The following HSPG2 variants were observed in gnomAD, a reference collection of about 807,000 sequenced individuals.
The protein encoded by HSPG2 is heparan sulfate proteoglycan 2, also known as basement membrane-specific heparan sulfate proteoglycan core protein.
In HSPG2, 278 loss-of-function variants were observed where a neutral mutation model predicts 526.6. The ratio of observed to expected loss-of-function variants is 0.53; its 90% CI spans 0.48 to 0.58. HSPG2 has a LOEUF of 0.58. Ranked by LOEUF, HSPG2 falls within the 20% of genes least tolerant of loss-of-function variation. HSPG2 has a pLI of 0.00. For synonymous variants in HSPG2, 2,465 were observed against 2,555.4 expected (o/e 0.96, Z 1.07); for missense variants, 5,354 against 6,099.5 (o/e 0.88, Z 4.07).
In HSPG2 at chr1:21,833,278, G is replaced by C. The variant is rs1370685316; in HGVS notation, c.11085C>G (p.Asp3695Glu). Residue 3695 changes from aspartate (D) to glutamate (E), a missense_variant, in exon 80 of 97, where the codon GAC becomes GAG. Asp to Glu is a conservative substitution (Grantham distance 45). Coordinates refer to ENST00000374695, the MANE Select transcript of HSPG2 (RefSeq NM_005529.7). The part of the protein sequence containing the change: ...KFEIKITFRP[D>E]SADGMLLYNG... ...AACCCTCCTGCTCACCATCGGCTGAGTCGGGCCGGAAGGTGATCTTGATCT... is the reference window on the plus strand; with the variant it reads ...AACCCTCCTGCTCACCATCGGCTGACTCGGGCCGGAAGGTGATCTTGATCT... The C allele has an allele frequency of 6.2e-7, 1 of 1,613,994 alleles. No individual in the cohort carries two copies. Among genetic ancestry groups the C allele is most frequent in the South Asian group, 1.1e-5 (1 of 91,074 alleles).
At chr1:21,924,497 G>T (rs967269211) in intron 1 of HSPG2, among the ~76,000 whole-genome samples, 1 of 152,108 alleles carries the variant, frequency 6.6e-6, no homozygotes, top group African/African-American at 2.4e-5. Context: ...ACTTTTGGGG[G>T]GTAGTGAGCA....
chr1:21,851,506 C>T (rs746503190), intron 55 of HSPG2, 40 bp downstream of exon 55: 11 of 1,612,356 alleles, frequency 6.8e-6, no homozygotes, highest in East Asian at 4.5e-5. Flanking sequence ...CCCAGGGACC[C>T]GCTTCCTCTT....
In HSPG2 at chr1:21,854,722, C is replaced by T. The variant is rs200272505; in HGVS notation, c.6177G>A (p.Ser2059=). Residue 2059 remains serine (S), a synonymous_variant, in exon 49 of 97, where the codon TCG becomes TCA. Transcript: ENST00000374695. ...GTGTTTGCCCTTCTGTCACAGAAGG[C>T]GATGAGGACTCAATCTTGACCGGCG... ...SPPPVKIESS[S]PSVTEGQTLD... The T allele has an allele frequency of 3.5e-5, 56 of 1,613,326 alleles. No individual in the cohort carries two copies. Among genetic ancestry groups the T allele is most frequent in the Non-Finnish European group, 4.3e-5 (51 of 1,179,784 alleles).
Position 21,848,877 on chromosome 1 carries a change from C to T in HSPG2, c.7585+16G>A. 6.2e-7 allele frequency: 1 copy of T among 1,613,444 alleles called. No individual in the cohort carries two copies. Among genetic ancestry groups the T allele is most frequent in the Non-Finnish European group, 8.5e-7 (1 of 1,179,972 alleles). ...CCCCAGCCCTCCACCATTTGCATGA[C>T]CCCCGAGACACTCACAGTGGGAGCC... is the stretch of plus-strand genomic sequence containing the variant. On this transcript the variant is annotated intron_variant, in intron 58 of 96. Coordinates refer to ENST00000374695, the MANE Select transcript of HSPG2 (RefSeq NM_005529.7). The surrounding 1 kb of genome is among the most constrained non-coding windows in gnomAD (Gnocchi z 4.9).
At chr1:21,878,917 C>T (rs1641299495) in intron 18 of HSPG2, 77 bp downstream of exon 18, 1 of 1,538,750 alleles carries the variant, frequency 6.5e-7, no homozygotes. Flanking sequence ...AAGTCTCCTG[C>T]CTCCCTGCCC....
chr1:21,855,202 C>T, intron 47 of HSPG2, 102 bp downstream of exon 47: 2 of 1,464,180 alleles, frequency 1.4e-6, no homozygotes, highest in Non-Finnish European at 1.8e-6. Flanking sequence ...AAGGGAGCCA[C>T]AGAGGAGGAG....
chr1:21,834,807 G>T lies in HSPG2; in HGVS notation c.10592C>A (p.Pro3531Gln), dbSNP rs779105494. 6.2e-7 allele frequency: 1 copy of T among 1,614,228 alleles called. No individual in the cohort carries two copies. Among genetic ancestry groups the T allele is most frequent in the Non-Finnish European group, 8.5e-7 (1 of 1,180,034 alleles). The change falls in exon 77 of 97, where the codon CCA becomes CAA. Residue 3531 changes from proline to glutamine, a missense_variant. Pro to Gln is a moderately conservative substitution (Grantham distance 76, BLOSUM62 -1). Transcript: ENST00000374695. ...GACACCTCCGCTCTGCACAATGCCT[G>T]GCCGCAGGTGCCCTCCAACTTTGCT... ...TWSKVGGHLR[P>Q]GIVQSGGVVR...
chr1:21,855,094 C>T (rs983794587), intron 47 of HSPG2, 111 bp from the exon 48 acceptor site: 8 of 1,428,946 alleles, frequency 5.6e-6, no homozygotes, highest in Non-Finnish European at 7.7e-6. Flanking sequence ...ATATTAGGGC[C>T]CAGTGGGGCA....
rs1240505848 is a variant in HSPG2 at position 21,828,997 on chromosome 1, G to A, written c.12075C>T (p.Gly4025=). Residue 4025 remains glycine, a synonymous_variant, in exon 88 of 97, where the codon GGC becomes GGT. Coordinates refer to ENST00000374695, the MANE Select transcript of HSPG2 (RefSeq NM_005529.7). The surrounding 1 kb of genome is among the most constrained non-coding windows in gnomAD (Gnocchi z 6.0). ...GGCGTCCACCATTCACCCGCAGGCTGCCGTCCTTGTTGAGACGCTCTGCAG... is the reference window on the plus strand; with the variant it reads ...GGCGTCCACCATTCACCCGCAGGCTACCGTCCTTGTTGAGACGCTCTGCAG... ...RVSAERLNKD[G]SLRVNGGRPV... 2.5e-6 allele frequency: 4 copies of A among 1,569,258 alleles called. No homozygotes were observed. Among genetic ancestry groups the A allele is most frequent in the South Asian group, 2.3e-5 (2 of 85,304 alleles).
intron 9 of HSPG2, 142 bp from the exon 10 acceptor site, chr1:21,885,593 T>C: frequency 1.1e-6 from 1 of 947,190 alleles, no homozygotes; most frequent in South Asian, 1.4e-5. Context: ...ACTGTCCAAC[T>C]CACAGCCAGC....
In HSPG2 at chr1:21,887,012, C is replaced by T. The variant is rs1425739606; in HGVS notation, c.1078+203G>A. 1.3e-5 allele frequency among the ~76,000 whole-genome samples: 2 copies of T among 152,084 alleles called. No individual in the cohort carries two copies. Among genetic ancestry groups the T allele is most frequent in the Non-Finnish European group, 2.9e-5 (2 of 68,022 alleles). ...GCCAGCTCAGGGCCAAGGGGCCTTA[C>T]GGCTCTGGTTAGAGATAAACCTTGG... is the stretch of plus-strand genomic sequence containing the variant. On this transcript the variant is annotated intron_variant, in intron 9 of 96. Transcript: ENST00000374695. The surrounding 1 kb of genome is among the most constrained non-coding windows in gnomAD (Gnocchi z 5.0).
chr1:21,827,492 G>A (rs955334398), intron 91 of HSPG2, among the ~76,000 whole-genome samples: 1 of 152,206 alleles, frequency 6.6e-6, no homozygotes, highest in African/African-American at 2.4e-5. Context: ...CATTCAATCA[G>A]CATTCACTCT....
chr1:21,832,355 G>C, intron 81 of HSPG2, 140 bp downstream of exon 81: 1 of 699,994 alleles, frequency 1.4e-6, no homozygotes. Context: ...TACTCTAGCA[G>C]ATTGGGTGGT....
At chr1:21,830,364 G>A (rs1008840224) in intron 85 of HSPG2, 6 of 506,982 alleles carry the variant, frequency 1.2e-5, no homozygotes, top group Admixed American at 3.2e-5. Flanking sequence ...ACCTGGTGGC[G>A]GGTAATGGGG....
chr1:21,846,681 A>G, intron 62 of HSPG2, 82 bp from the exon 63 acceptor site: 1 of 1,491,044 alleles, frequency 6.7e-7, no homozygotes, highest in South Asian at 1.1e-5. Flanking sequence ...GCCATAGAAA[A>G]TCTCACCCCC....
intron 95 of HSPG2, 89 bp from the exon 96 acceptor site, chr1:21,823,808 C>A (rs1230087158): frequency 2.0e-6 from 2 of 998,046 alleles, no homozygotes; most frequent in African/African-American, 1.6e-5. Context: ...GATATCGAGA[C>A]TCCAGACTCA....
At chr1:21,833,219 G>A in intron 80 of HSPG2, 49 bp downstream of exon 80, 1 of 1,454,720 alleles carries the variant, frequency 6.9e-7, no homozygotes, top group Non-Finnish European at 9.7e-7. Context: ...ACTCCACGAG[G>A]TCCCTCAACC....
rs751870091 is a variant in HSPG2 at position 21,823,494 on chromosome 1, G to A, written c.13004-6C>T. 6.5e-5 allele frequency: 105 copies of A among 1,604,686 alleles called. No individual in the cohort carries two copies. The highest frequency in any genetic ancestry group is 1.6e-4 in the Middle Eastern group (1 of 6,080). On this transcript the variant is annotated splice_region_variant and splice_polypyrimidine_tract_variant and intron_variant, in intron 96 of 96. Transcript: ENST00000374695. ...GGCCACGTCAGGGGCTCCGCCTGCC[G>A]GGAGGTGAGAGGACAGGGCCTGTGG...
At chr1:21,931,540 C>T (rs1188692057) in intron 1 of HSPG2, among the ~76,000 whole-genome samples, 1 of 152,112 alleles carries the variant, frequency 6.6e-6, no homozygotes, top group Non-Finnish European at 1.5e-5. Context: ...GGGAAGCTGC[C>T]GGGGAACCAA....
Sources: allele counts gnomAD v4.1 joint callset (sites outside exome capture counted in the v4.1 genomes callset), GRCh38; gene constraint gnomAD v4.1.1; non-coding constraint Gnocchi (gnomAD v3.1); transcripts MANE v1.5; gene names NCBI Gene and HGNC (gene_info 2026-07-23, HGNC 2026-07-21).